FTO: variants seen among roughly 807,000 people sequenced by gnomAD.
FTO encodes alpha-ketoglutarate-dependent dioxygenase FTO.
Under a neutral mutation model 63.9 loss-of-function variants are expected in FTO, and 47 were observed. The ratio of observed to expected loss-of-function variants is 0.74; its 90% CI spans 0.58 to 0.94. FTO has a LOEUF of 0.94. Ranked by LOEUF, FTO falls within the 40% of genes least tolerant of loss-of-function variation. The pLI is 0.00. For synonymous variants in FTO, 207 were observed against 224.4 expected (o/e 0.92, Z 0.69); for missense variants, 562 against 618.1 (o/e 0.91, Z 0.96).
intron 8 of FTO, among the ~76,000 whole-genome samples, chr16:53,972,382 G>A (rs1263218404): frequency 1.3e-5 from 2 of 152,084 alleles, no homozygotes; most frequent in African/African-American, 2.4e-5. Context: ...CTAAAAATGA[G>A]TTTTTTATTT....
chr16:53,731,195 C>T (rs912868007), intron 1 of FTO, among the ~76,000 whole-genome samples: 2 of 152,082 alleles, frequency 1.3e-5, no homozygotes, highest in African/African-American at 4.8e-5. Context: ...CAGTAATGGG[C>T]ATAAAGAGAA....
chr16:53,717,817 ACTGATTTG>A, intron 1 of FTO, among the ~76,000 whole-genome samples: 1 of 152,064 alleles, frequency 6.6e-6, no homozygotes, highest in Non-Finnish European at 1.5e-5. Flanking sequence ...TCTTTTACGT[ACTGATTTG>A]AATGCTTAAA....
intron 1 of FTO, among the ~76,000 whole-genome samples, chr16:53,759,491 C>T (rs979581450): frequency 3.3e-5 from 5 of 151,752 alleles, no homozygotes; most frequent in Non-Finnish European, 7.4e-5. Flanking sequence ...GTCAAGAGTT[C>T]GAGACCAGCC....
chr16:53,774,126 A>G (rs1051382436), intron 1 of FTO, among the ~76,000 whole-genome samples: 10 of 152,156 alleles, frequency 6.6e-5, no homozygotes, highest in African/African-American at 2.2e-4. Context: ...ACAGAAGACC[A>G]AACAGGATAA....
In FTO at chr16:54,116,309, T is replaced by C. The variant is rs2086974689; in HGVS notation, c.*4394T>C. 1 of 152,002 alleles carries C rather than the reference T, an allele frequency of 6.6e-6. No individual in the cohort carries two copies. Among genetic ancestry groups the C allele is most frequent in the South Asian group, 2.1e-4 (1 of 4,818 alleles). 9.4% of individuals were successfully genotyped at this position (152,002 alleles called of 1,614,324 possible). A position where few individuals can be genotyped will look rare whatever the true frequency, so the allele number is the denominator to read the frequency against. On this transcript the variant is annotated 3_prime_UTR_variant, in exon 9 of 9. Transcript: ENST00000471389. Reference sequence around the variant, plus strand: ...TGGATCCATGCCACGCTAAAAACTGTTTATTTTGGAGATCTGTCAGAGGCA... The same window carrying C: ...TGGATCCATGCCACGCTAAAAACTGCTTATTTTGGAGATCTGTCAGAGGCA...
intron 1 of FTO, among the ~76,000 whole-genome samples, chr16:53,732,041 ATTTTTTTT>A (rs375814669): frequency 6.1e-5 from 6 of 98,608 alleles, no homozygotes; most frequent in South Asian, 7.4e-4. Context: ...TTGTGGCCTT[ATTTTTTTT>A]TTTTTTTTTT....
intron 5 of FTO, among the ~76,000 whole-genome samples, chr16:53,876,336 A>G (rs1002535816): frequency 6.6e-6 from 1 of 152,218 alleles, no homozygotes; most frequent in Admixed American, 6.5e-5. Flanking sequence ...AACTTTGGTA[A>G]TAATTACTCA....
intron 8 of FTO, among the ~76,000 whole-genome samples, chr16:54,027,964 G>A (rs2084751425): frequency 6.6e-6 from 1 of 151,770 alleles, no homozygotes; most frequent in Admixed American, 6.6e-5. Flanking sequence ...ATACTTGATA[G>A]TTTATTTTAC....
intron 7 of FTO, among the ~76,000 whole-genome samples, chr16:53,911,947 A>G (rs1184033677): frequency 2.6e-5 from 4 of 152,264 alleles, no homozygotes; most frequent in African/African-American, 9.6e-5. Context: ...AATGCTGTAT[A>G]TCAGTTATAA....
intron 8 of FTO, among the ~76,000 whole-genome samples, chr16:54,073,141 A>G (rs73621753): frequency 0.061 from 9,283 of 152,098 alleles, 332 homozygotes; most frequent in South Asian, 0.13. Flanking sequence ...TTCCTCTCCT[A>G]CGTGTCCTGT....
intron 1 of FTO, among the ~76,000 whole-genome samples, chr16:53,760,840 T>G (rs2077049471): frequency 6.6e-6 from 1 of 151,742 alleles, no homozygotes; most frequent in South Asian, 2.1e-4. Context: ...TTGGCCAGGC[T>G]GGTCTGAAAC....
chr16:54,022,121 C>T (rs1047950413), intron 8 of FTO, among the ~76,000 whole-genome samples: 8 of 151,910 alleles, frequency 5.3e-5, no homozygotes, highest in South Asian at 2.1e-4. Context: ...TTTTCTTTAT[C>T]GGAAGAAAAA....
intron 8 of FTO, among the ~76,000 whole-genome samples, chr16:54,098,256 C>A (rs540121476): frequency 6.6e-6 from 1 of 152,280 alleles, no homozygotes; most frequent in African/African-American, 2.4e-5. Flanking sequence ...AACTGTGTCA[C>A]ACAGTTGGTA....
chr16:53,929,283 G>A (rs949045219), intron 7 of FTO, among the ~76,000 whole-genome samples: 2 of 152,196 alleles, frequency 1.3e-5, no homozygotes, highest in East Asian at 3.8e-4. Flanking sequence ...TGTCCCTACA[G>A]TATTGCCTGT....
chr16:54,027,036 A>G (rs2084728805), intron 8 of FTO, among the ~76,000 whole-genome samples: 1 of 152,080 alleles, frequency 6.6e-6, no homozygotes, highest in South Asian at 2.1e-4. Context: ...CCCCATCTGC[A>G]GTGCACAATT....
At chr16:54,090,752 G>A (rs2086364854) in intron 8 of FTO, among the ~76,000 whole-genome samples, 1 of 152,152 alleles carries the variant, frequency 6.6e-6, no homozygotes, top group Admixed American at 6.5e-5. Context: ...CGGCCTTCTG[G>A]GGTTGACTAG....
intron 1 of FTO, among the ~76,000 whole-genome samples, chr16:53,762,264 C>T (rs1283392997): frequency 6.6e-6 from 1 of 152,158 alleles, no homozygotes; most frequent in Non-Finnish European, 1.5e-5. Context: ...CAGAGTATGC[C>T]TCTCTTGTAT....
chr16:54,101,249 A>G (rs1260911217), intron 8 of FTO, among the ~76,000 whole-genome samples: 1 of 152,020 alleles, frequency 6.6e-6, no homozygotes, highest in Non-Finnish European at 1.5e-5. Flanking sequence ...CCCAGTACCC[A>G]ATAGCTATCT....
chr16:53,913,096 T>A (rs12929364), intron 7 of FTO, among the ~76,000 whole-genome samples: 2,440 of 152,230 alleles, frequency 0.016, 52 homozygotes, highest in African/African-American at 0.055. Flanking sequence ...TTGCTTTGCC[T>A]CATTTCAACT....
Sources: allele counts gnomAD v4.1 joint callset (sites outside exome capture counted in the v4.1 genomes callset), GRCh38; gene constraint gnomAD v4.1.1; transcripts MANE v1.5; gene names NCBI Gene and HGNC (gene_info 2026-07-23, HGNC 2026-07-21).